The following CNTN5 variants were observed in gnomAD, a reference collection of about 807,000 sequenced individuals.
CNTN5 encodes the protein contactin 5.
A neutral mutation model predicts 129.1 loss-of-function variants in CNTN5; 77 were observed. That is an observed-to-expected ratio of 0.60 (90% CI 0.50 to 0.72). The LOEUF is 0.72. Ranked by LOEUF, CNTN5 falls within the 30% of genes least tolerant of loss-of-function variation. The pLI is 0.00. For missense variants in CNTN5, 1,478 were observed against 1,328.8 expected (o/e 1.11, Z -1.75); for synonymous variants, 509 against 465.6 (o/e 1.09, Z -1.20).
At chr11:99,313,070 C>T (rs1265313397) in intron 1 of CNTN5, among the ~76,000 whole-genome samples, 1 of 151,730 alleles carries the variant, frequency 6.6e-6, no homozygotes, top group East Asian at 1.9e-4. Context: ...ACAGATTAGC[C>T]TTCCTCTCAG....
intron 3 of CNTN5, among the ~76,000 whole-genome samples, chr11:99,710,477 A>G (rs1954928957): frequency 6.6e-6 from 1 of 151,748 alleles, no homozygotes; most frequent in Non-Finnish European, 1.5e-5. Flanking sequence ...GTTGGAAACA[A>G]AGGGAGGATG....
intron 6 of CNTN5, among the ~76,000 whole-genome samples, chr11:99,848,555 T>C (rs1947775165): frequency 6.6e-6 from 1 of 152,184 alleles, no homozygotes; most frequent in Admixed American, 6.5e-5. Flanking sequence ...GTCTTAAATT[T>C]ATTAAATGTT....
chr11:100,275,795 G>A (rs190945586), intron 18 of CNTN5, among the ~76,000 whole-genome samples: 121 of 152,286 alleles, frequency 7.9e-4, no homozygotes, highest in African/African-American at 2.8e-3. Context: ...AGTGAGTTGA[G>A]GAAGGTTTGT....
At chr11:99,023,417 C>T (rs889298455) in intron 1 of CNTN5, among the ~76,000 whole-genome samples, 2 of 152,206 alleles carry the variant, frequency 1.3e-5, no homozygotes, top group Admixed American at 1.3e-4. Context: ...TCTGTCACAG[C>T]TGACTTAGCA....
At chr11:99,862,952 T>G (rs1048025524) in intron 6 of CNTN5, among the ~76,000 whole-genome samples, 13 of 152,068 alleles carry the variant, frequency 8.5e-5, no homozygotes, top group Middle Eastern at 3.2e-3. Flanking sequence ...ATGTGTGTGT[T>G]TGGTTGAGAG....
intron 3 of CNTN5, among the ~76,000 whole-genome samples, chr11:99,784,671 C>T (rs577275702): frequency 2.0e-5 from 3 of 152,206 alleles, no homozygotes; most frequent in Admixed American, 2.0e-4. Flanking sequence ...AACGGTTGAA[C>T]TGATTTACAC....
intron 2 of CNTN5, among the ~76,000 whole-genome samples, chr11:99,531,045 G>T (rs1435777878): frequency 6.6e-6 from 1 of 152,186 alleles, no homozygotes; most frequent in African/African-American, 2.4e-5. Flanking sequence ...CAGTTTGGAA[G>T]GCTCAGAAGA....
chr11:100,113,628 T>C (rs1591268812), intron 13 of CNTN5, among the ~76,000 whole-genome samples: 2 of 151,968 alleles, frequency 1.3e-5, no homozygotes, highest in African/African-American at 4.8e-5. Flanking sequence ...GAGAATTACA[T>C]AGCATATGAC....
chr11:99,817,403 C>A (rs112769500), intron 3 of CNTN5, among the ~76,000 whole-genome samples: 1 of 152,040 alleles, frequency 6.6e-6, no homozygotes, highest in African/African-American at 2.4e-5. Flanking sequence ...TGGCACAAGC[C>A]CATTTGTGTA....
chr11:99,954,885 A>G (rs1950762084), intron 7 of CNTN5, among the ~76,000 whole-genome samples: 1 of 152,194 alleles, frequency 6.6e-6, no homozygotes, highest in South Asian at 2.1e-4. Flanking sequence ...CTAAATAAGC[A>G]TTTTTGAGTC....
At chr11:99,192,201 T>C (rs1274154807) in intron 1 of CNTN5, among the ~76,000 whole-genome samples, 1 of 151,154 alleles carries the variant, frequency 6.6e-6, no homozygotes, top group Non-Finnish European at 1.5e-5. Flanking sequence ...AAAATTACAA[T>C]GGAAACCACA....
chr11:99,040,107 T>A (rs1469192033), intron 1 of CNTN5, among the ~76,000 whole-genome samples: 1 of 152,120 alleles, frequency 6.6e-6, no homozygotes, highest in African/African-American at 2.4e-5. Flanking sequence ...TACAGACATG[T>A]TGGACTATTT....
At chr11:99,600,489 T>G (rs919738330) in intron 3 of CNTN5, among the ~76,000 whole-genome samples, 6 of 152,284 alleles carry the variant, frequency 3.9e-5, no homozygotes, top group African/African-American at 1.4e-4. Flanking sequence ...CTTTGCCCAC[T>G]TCAGCTGTTG....
intron 7 of CNTN5, among the ~76,000 whole-genome samples, chr11:99,928,672 A>T (rs1332247518): frequency 6.6e-6 from 1 of 152,180 alleles, no homozygotes; most frequent in Non-Finnish European, 1.5e-5. Flanking sequence ...GGCCTGGCCC[A>T]CAAAACCATT....
chr11:99,163,285 TTTTA>T (rs1198503189), intron 1 of CNTN5, among the ~76,000 whole-genome samples: 6 of 152,288 alleles, frequency 3.9e-5, no homozygotes, highest in Non-Finnish European at 7.4e-5. Context: ...GTACATTTTA[TTTTA>T]TTTATTTTAA....
intron 12 of CNTN5, among the ~76,000 whole-genome samples, chr11:100,072,984 A>C: frequency 8.5e-6 from 1 of 117,330 alleles, no homozygotes; most frequent in Admixed American, 1.0e-4. Flanking sequence ...TTCTATTCCC[A>C]GGAGGCAAAA....
At chr11:100,156,623 G>C (rs1465358127) in intron 13 of CNTN5, among the ~76,000 whole-genome samples, 1 of 151,994 alleles carries the variant, frequency 6.6e-6, no homozygotes, top group Non-Finnish European at 1.5e-5. Flanking sequence ...CTGTGAATCT[G>C]TCTGGTCCTG....
At chr11:99,727,059 C>T (rs1235163634) in intron 3 of CNTN5, among the ~76,000 whole-genome samples, 1 of 151,436 alleles carries the variant, frequency 6.6e-6, no homozygotes, top group Admixed American at 6.6e-5. Flanking sequence ...GTAATCCCAG[C>T]ACTTTGGGAG....
intron 15 of CNTN5, among the ~76,000 whole-genome samples, chr11:100,223,496 A>G (rs1249079336): frequency 6.6e-6 from 1 of 152,206 alleles, no homozygotes; most frequent in Non-Finnish European, 1.5e-5. Flanking sequence ...TCTAGTTTTT[A>G]TGATTTTCAT....
Sources: allele counts gnomAD v4.1 joint callset (sites outside exome capture counted in the v4.1 genomes callset), GRCh38; gene constraint gnomAD v4.1.1; transcripts MANE v1.5; gene names NCBI Gene and HGNC (gene_info 2026-07-23, HGNC 2026-07-21).